Variants in ZNF486 observed in about 807,000 individuals in gnomAD.
The protein encoded by ZNF486 is zinc finger protein 486, also known as KRAB box only protein 2.
In ZNF486, 12 loss-of-function variants were observed where a neutral mutation model predicts 12.8. The observed-to-expected ratio is 0.94, with a 90% CI of 0.60 to 1.52. The LOEUF (loss-of-function observed/expected upper bound fraction) is 1.52, where lower values mean the gene tolerates loss of function less well. Ranked by LOEUF, ZNF486 falls within the 40% of genes most tolerant of loss-of-function variation. The pLI, the probability that ZNF486 is intolerant of heterozygous loss-of-function variation, is 0.00. For missense variants in ZNF486, 738 were observed against 545.0 expected (o/e 1.35, Z -3.53); for synonymous variants, 231 against 184.9 (o/e 1.25, Z -2.02).
chr19:20,171,974 T>C (rs2089652585), intron 1 of ZNF486, among the ~76,000 whole-genome samples: 1 of 151,844 alleles, frequency 6.6e-6, no homozygotes, highest in Non-Finnish European at 1.5e-5. Context: ...TTTCTGTTTC[T>C]ACGTTAGTTT....
At chr19:20,184,593 C>A (rs1555716087) in intron 2 of ZNF486, 111 bp downstream of exon 2, 4 of 1,183,284 alleles carry the variant, frequency 3.4e-6, no homozygotes, top group Non-Finnish European at 4.5e-6. Flanking sequence ...TCCAGATGTC[C>A]TTTTTCCAGA....
At position 20,197,283 on chromosome 19, in the gene ZNF486, T is replaced by C; in HGVS notation, c.573T>C (p.Phe191=). 6.2e-7 allele frequency: 1 copy of C among 1,610,436 alleles called. No homozygotes were observed. Among genetic ancestry groups the C allele is most frequent in the Non-Finnish European group, 8.5e-7 (1 of 1,178,946 alleles). ...AATATATAGAAGGTGACAAAGCTTTTAACCAGTCCTCAACCCATACTACAC... is the reference window on the plus strand; with the variant it reads ...AATATATAGAAGGTGACAAAGCTTTCAACCAGTCCTCAACCCATACTACAC... ...PLKYIEGDKA[F]NQSSTHTTHK... is the part of the protein sequence containing the mutation. The change falls in exon 4 of 4, where the codon TTT becomes TTC. Residue 191 remains phenylalanine, a synonymous_variant. Transcript: ENST00000335117.
chr19:20,193,517 CG>C, intron 3 of ZNF486, among the ~76,000 whole-genome samples: 1 of 151,964 alleles, frequency 6.6e-6, no homozygotes, highest in East Asian at 1.9e-4. Context: ...AAACATTATC[CG>C]GGCATGCTGG....
intron 1 of ZNF486, among the ~76,000 whole-genome samples, chr19:20,183,332 G>A (rs1555715857): frequency 6.6e-6 from 1 of 152,160 alleles, no homozygotes; most frequent in African/African-American, 2.4e-5. Context: ...TGCAGAACAG[G>A]ATTAAGAAAA....
intron 1 of ZNF486, among the ~76,000 whole-genome samples, chr19:20,172,709 G>A (rs1442809963): frequency 4.1e-5 from 6 of 146,212 alleles, no homozygotes; most frequent in South Asian, 4.4e-4. Context: ...GCACTATCTC[G>A]GCTCACTGCA....
chr19:20,197,924 C>G lies in ZNF486; in HGVS notation c.1214C>G (p.Pro405Arg). The change falls in exon 4 of 4, where the codon CCC becomes CGC. Residue 405 changes from proline to arginine, a missense_variant. Physicochemically the swap from Pro to Arg is moderately radical, Grantham distance 103. Coordinates refer to ENST00000335117, the MANE Select transcript of ZNF486 (RefSeq NM_052852.4). ...AGGAGAACTCATACTGGAGAGAAACCCTACAAATGTGAAGAATGTGGCAAA... is the reference window on the plus strand; with the variant it reads ...AGGAGAACTCATACTGGAGAGAAACGCTACAAATGTGAAGAATGTGGCAAA... ...KHRRTHTGEK[P>R]YKCEECGKAY... The G allele has an allele frequency of 6.2e-7, 1 of 1,613,398 alleles. No homozygotes were observed.
At chr19:20,186,573 G>C (rs189087252) in intron 3 of ZNF486, among the ~76,000 whole-genome samples, 4 of 152,034 alleles carry the variant, frequency 2.6e-5, no homozygotes, top group African/African-American at 7.2e-5. Flanking sequence ...GAAATTATAA[G>C]TATGATATCC....
intron 1 of ZNF486, among the ~76,000 whole-genome samples, chr19:20,174,408 T>G (rs1179419940): frequency 1.3e-5 from 2 of 152,034 alleles, no homozygotes; most frequent in Non-Finnish European, 2.9e-5. Context: ...TTCTTTTTTT[T>G]TTTTGAGAGA....
intron 3 of ZNF486, chr19:20,188,315 T>A (rs1195444532): frequency 8.3e-5 from 33 of 396,746 alleles, no homozygotes; most frequent in Non-Finnish European, 9.8e-5. Context: ...AATTCTGGAT[T>A]TTTTTTCAGT....
chr19:20,198,358 C>G lies in ZNF486; in HGVS notation c.*256C>G, dbSNP rs1179412441. 1 of 422,826 alleles carries G rather than the reference C, an allele frequency of 2.4e-6. No homozygotes were observed. Among genetic ancestry groups the G allele is most frequent in the Non-Finnish European group, 4.2e-6 (1 of 235,544 alleles). 26.2% of individuals were successfully genotyped at this position (422,826 alleles called of 1,614,324 possible). On this transcript the variant is annotated 3_prime_UTR_variant, in exon 4 of 4. Transcript: ENST00000335117. ...CCTCAGGTGGTCTGCCTGCTTTGGC[C>G]TCCCAAAGTGTTGGGGTTACAGGCA...
intron 1 of ZNF486, among the ~76,000 whole-genome samples, chr19:20,169,417 G>A (rs1318474278): frequency 6.6e-6 from 1 of 152,114 alleles, no homozygotes; most frequent in Non-Finnish European, 1.5e-5. Flanking sequence ...CCAACAGGAG[G>A]TTATTAAAGG....
At chr19:20,196,758 T>C (rs2089962158) in intron 3 of ZNF486, among the ~76,000 whole-genome samples, 1 of 152,142 alleles carries the variant, frequency 6.6e-6, no homozygotes, top group Non-Finnish European at 1.5e-5. Context: ...TTTCACACAC[T>C]TAAAACTCAC....
In ZNF486 at chr19:20,197,244, A is replaced by T. The variant is rs2089967909; in HGVS notation, c.534A>T (p.Glu178Asp). The part of the protein sequence containing the change: ...NSKRHKRRHT[E>D]KKPLKYIEGD... ...AGAGACATAAAAGAAGACATACTGA[A>T]AAAAAACCTTTGAAATATATAGAAG... is the stretch of plus-strand genomic sequence containing the variant. The change falls in exon 4 of 4, where the codon GAA (glutamate) becomes GAT (aspartate). Residue 178 changes from glutamate (E) to aspartate (D), a missense_variant. Physicochemically the swap from Glu to Asp is conservative, Grantham distance 45 (BLOSUM62 2). Coordinates refer to ENST00000335117, the MANE Select transcript of ZNF486 (RefSeq NM_052852.4). 2 of 1,612,268 alleles carry T rather than the reference A, an allele frequency of 1.2e-6. No homozygotes were observed. Among genetic ancestry groups the T allele is most frequent in the Non-Finnish European group, 1.7e-6 (2 of 1,179,568 alleles).
chr19:20,196,053 C>T (rs2089955331), intron 3 of ZNF486, among the ~76,000 whole-genome samples: 1 of 152,212 alleles, frequency 6.6e-6, no homozygotes, highest in Non-Finnish European at 1.5e-5. Flanking sequence ...GAGTCTCATT[C>T]TGTTACCTAG....
chr19:20,199,409 T>A lies in ZNF486; in HGVS notation c.*1307T>A, dbSNP rs931810230. On this transcript the variant is annotated 3_prime_UTR_variant, in exon 4 of 4. Coordinates refer to ENST00000335117, the MANE Select transcript of ZNF486 (RefSeq NM_052852.4). ...GTATATTGAAGAAGATTCCTGCAAA[T>A]GTAATGAGTTTGGAAACACTTCTTA... is the stretch of plus-strand genomic sequence containing the variant. 3 of 152,264 alleles carry A rather than the reference T, an allele frequency of 2.0e-5. No individual in the cohort carries two copies. Among genetic ancestry groups the A allele is most frequent in the African/African-American group, 7.2e-5 (3 of 41,578 alleles). 9.4% of individuals were successfully genotyped at this position (152,264 alleles called of 1,614,324 possible). A position where few individuals can be genotyped will look rare whatever the true frequency, so the allele number is the denominator to read the frequency against.
At chr19:20,172,367 G>T (rs112663996) in intron 1 of ZNF486, among the ~76,000 whole-genome samples, 1 of 150,592 alleles carries the variant, frequency 6.6e-6, no homozygotes, top group African/African-American at 2.4e-5. Context: ...TTGCAATAGC[G>T]TAATCTTGAC....
At chr19:20,195,036 C>G (rs991997163) in intron 3 of ZNF486, among the ~76,000 whole-genome samples, 2 of 151,686 alleles carry the variant, frequency 1.3e-5, no homozygotes, top group Admixed American at 1.3e-4. Context: ...TATACAGAGT[C>G]TTTTTCTGTC....
intron 2 of ZNF486, 134 bp from the exon 3 acceptor site, chr19:20,185,853 G>T (rs1599709602): frequency 9.4e-6 from 4 of 423,302 alleles, no homozygotes; most frequent in Non-Finnish European, 1.5e-5. Flanking sequence ...TAAATATTTA[G>T]AAATTTGTTA....
rs573764262 is a variant in ZNF486 at position 20,198,908 on chromosome 19, C to G, written c.*806C>G. 2 of 152,494 alleles carry G rather than the reference C, an allele frequency of 1.3e-5. No homozygotes were observed. Among genetic ancestry groups the G allele is most frequent in the African/African-American group, 4.8e-5 (2 of 41,470 alleles). The allele number at this position is 152,494 out of a possible 1,614,324, so 9.4% of individuals were successfully genotyped here. A position where few individuals can be genotyped will look rare whatever the true frequency, so the allele number is the denominator to read the frequency against. ...CTGAAAGATGTGACAGTGCTTTTCC[C>G]AACACCTCCAACTTTTCTATGCATA... On this transcript the variant is annotated 3_prime_UTR_variant, in exon 4 of 4. Transcript: ENST00000335117.
Sources: gnomAD v4.1 joint callset for allele counts (sites outside exome capture counted in the v4.1 genomes callset) on GRCh38, gnomAD v4.1.1 for gene constraint, MANE v1.5 for transcripts, NCBI Gene and HGNC (gene_info 2026-07-23, HGNC 2026-07-21) for gene names.